The following ZSWIM7 variants were observed in gnomAD, a reference collection of about 807,000 sequenced individuals.
ZSWIM7 encodes zinc finger SWIM-type containing 7, also known as zinc finger SWIM domain-containing protein 7.
In ZSWIM7, 22 loss-of-function variants were observed where a neutral mutation model predicts 21.1. The ratio of observed to expected loss-of-function variants is 1.04; its 90% CI spans 0.74 to 1.49. ZSWIM7 has a LOEUF of 1.49. Among genes scored for constraint, ZSWIM7 ranks in the 40% most tolerant of loss-of-function variants. The pLI is 0.00. For missense variants in ZSWIM7, 193 were observed against 168.0 expected, an observed-to-expected ratio of 1.15 and a Z score of -0.82; for synonymous variants, 67 against 66.5, an observed-to-expected ratio of 1.01 and a Z score of -0.04.
At chr17:15,985,216 A>G (rs1970395090) in intron 3 of ZSWIM7, among the ~76,000 whole-genome samples, 2 of 152,070 alleles carry the variant, frequency 1.3e-5, no homozygotes, top group Non-Finnish European at 2.9e-5. Context: ...AGGCAGAAGA[A>G]TCACTTGAAC....
intron 1 of ZSWIM7, among the ~76,000 whole-genome samples, chr17:15,996,548 A>G (rs1970557420): frequency 6.6e-6 from 1 of 152,118 alleles, no homozygotes; most frequent in Non-Finnish European, 1.5e-5. Flanking sequence ...TGGGGAACAG[A>G]GTGAGACCCG....
Position 15,976,644 on chromosome 17 carries a change from T to C in ZSWIM7, c.*1403A>G, listed in dbSNP as rs1427686239. On this transcript the variant is annotated 3_prime_UTR_variant, in exon 5 of 5. Transcript: ENST00000399277. ...AAAAGCATCTGCCAACCACAGAACA[T>C]TGCAACACCTAGGCCCTGGGCTTTC... 3 of 152,190 alleles carry C rather than the reference T, an allele frequency of 2.0e-5. No individual in the cohort carries two copies. Among genetic ancestry groups the C allele is most frequent in the Admixed American group, 6.5e-5 (1 of 15,282 alleles). The allele number at this position is 152,190 out of a possible 1,614,324, so 9.4% of individuals were successfully genotyped here. A position where few individuals can be genotyped will look rare whatever the true frequency, so the allele number is the denominator to read the frequency against.
chr17:15,987,418 C>G, intron 2 of ZSWIM7, 50 bp from the exon 3 acceptor site: 2 of 1,481,668 alleles, frequency 1.3e-6, no homozygotes, highest in African/African-American at 1.4e-5. Flanking sequence ...TCAAAGTCAC[C>G]TCAGTAACTT....
At chr17:15,984,303 C>T (rs1350523372) in intron 3 of ZSWIM7, among the ~76,000 whole-genome samples, 1 of 152,192 alleles carries the variant, frequency 6.6e-6, no homozygotes, top group African/African-American at 2.4e-5. Flanking sequence ...GGAAATTGAC[C>T]TTAAGGATAA....
At chr17:15,987,469 T>C in intron 2 of ZSWIM7, 101 bp from the exon 3 acceptor site, 1 of 1,057,388 alleles carries the variant, frequency 9.5e-7, no homozygotes, top group Non-Finnish European at 1.4e-6. Context: ...TAAAAATTCA[T>C]TTTAATTTTG....
chr17:15,984,556 A>AT (rs1461540543), intron 3 of ZSWIM7, among the ~76,000 whole-genome samples: 1 of 152,188 alleles, frequency 6.6e-6, no homozygotes, highest in Non-Finnish European at 1.5e-5. Context: ...GAGGTGACCC[A>AT]TCTACATGGT....
At chr17:15,979,562 T>G (rs12949642) in intron 4 of ZSWIM7, among the ~76,000 whole-genome samples, 2 of 133,960 alleles carry the variant, frequency 1.5e-5, no homozygotes, top group African/African-American at 2.9e-5. Flanking sequence ...CCAGTAGGGG[T>G]GGCCGGGCAG....
intron 2 of ZSWIM7, 72 bp from the exon 3 acceptor site, chr17:15,987,440 C>T (rs1970427498): frequency 5.7e-6 from 7 of 1,234,944 alleles, no homozygotes; most frequent in Admixed American, 4.8e-5. Flanking sequence ...CCCAAAGGAT[C>T]ACTAGACTTA....
chr17:15,995,864 T>C (rs1970547265), intron 1 of ZSWIM7, among the ~76,000 whole-genome samples: 2 of 142,674 alleles, frequency 1.4e-5, no homozygotes, highest in South Asian at 2.2e-4. Flanking sequence ...CACTGTGAAG[T>C]GAAAAAAAAA....
intron 2 of ZSWIM7, among the ~76,000 whole-genome samples, chr17:15,989,186 A>G (rs1970451922): frequency 6.6e-6 from 1 of 152,200 alleles, no homozygotes; most frequent in Admixed American, 6.5e-5. Context: ...GATATACAGG[A>G]AAAAACTTTG....
chr17:15,993,795 GA>G lies in ZSWIM7; in HGVS notation c.77-18del, dbSNP rs760681581. 1.3e-4 allele frequency: 190 copies of G among 1,484,182 alleles called. No homozygotes were observed. The highest frequency in any genetic ancestry group is 1.4e-4 in the Non-Finnish European group (156 of 1,078,396). 91.9% of individuals were successfully genotyped at this position (1,484,182 alleles called of 1,614,324 possible). A position where few individuals can be genotyped will look rare whatever the true frequency, so the allele number is the denominator to read the frequency against. ...CATCAGGAACTGTAAAATGAGAATG[GA>G]AAAAAAAAGTTAATCATATTAAGCA... On this transcript the variant is annotated intron_variant, in intron 1 of 4. Coordinates refer to ENST00000399277, the MANE Select transcript of ZSWIM7 (RefSeq NM_001042697.2).
chr17:15,982,406 G>C (rs1452746551), intron 3 of ZSWIM7, among the ~76,000 whole-genome samples: 1 of 152,154 alleles, frequency 6.6e-6, no homozygotes, highest in African/African-American at 2.4e-5. Flanking sequence ...TTGCCACACA[G>C]CCTTCAAAGC....
intron 2 of ZSWIM7, among the ~76,000 whole-genome samples, chr17:15,989,650 A>C (rs1234222706): frequency 6.6e-6 from 1 of 151,914 alleles, no homozygotes; most frequent in Admixed American, 6.6e-5. Context: ...TTTTTGAGAC[A>C]AAGTCTCTCT....
Position 15,993,524 on chromosome 17 carries a change from G to A in ZSWIM7, c.98+233C>T, listed in dbSNP as rs573497202. ...TGGGACTACAGGTGCCCACCACCAC[G>A]TCCAGCTAATTTTTTGTATTTTCAG... On this transcript the variant is annotated intron_variant, in intron 2 of 4. Transcript: ENST00000399277. Among the ~76,000 whole-genome samples the A allele has an allele frequency of 1.8e-4, 28 of 151,722 alleles. No homozygotes were observed. In the South Asian group the frequency reaches 5.4e-3, roughly 29 times the overall value.
At chr17:15,991,190 C>T (rs1970477796) in intron 2 of ZSWIM7, 1 of 152,010 alleles carries the variant, frequency 6.6e-6, no homozygotes, top group African/African-American at 2.4e-5. Flanking sequence ...AAAATTTTTC[C>T]ATATCACTTT....
Position 15,979,886 on chromosome 17 carries a change from C to A in ZSWIM7, c.306+1154G>T, listed in dbSNP as rs572915678. On this transcript the variant is annotated intron_variant, in intron 4 of 4. Transcript: ENST00000399277. ...TGGCCGGGCGGGGGGCTGACCCCCCCACCTCCCTCCCGGACGGGGGGCTGA... is the reference window on the plus strand; with the variant it reads ...TGGCCGGGCGGGGGGCTGACCCCCCAACCTCCCTCCCGGACGGGGGGCTGA... 2.9e-3 allele frequency among the ~76,000 whole-genome samples: 124 copies of A among 43,366 alleles called. 31 individuals are homozygous for A. The highest frequency in any genetic ancestry group is 3.5e-3 in the Non-Finnish European group (85 of 24,036). The allele number at this position is 43,366 out of a possible 152,430, so 28.4% of individuals were successfully genotyped here.
intron 2 of ZSWIM7, chr17:15,991,243 A>G (rs1271007470): frequency 6.7e-6 from 1 of 150,372 alleles, no homozygotes; most frequent in African/African-American, 2.5e-5. Flanking sequence ...AATCATTTTT[A>G]TTCTCCTCAA....
chr17:15,985,219 A>G (rs6502479), intron 3 of ZSWIM7, among the ~76,000 whole-genome samples: 95,116 of 151,374 alleles, frequency 0.63, 31,089 homozygotes, highest in African/African-American at 0.81. Context: ...CAGAAGAATC[A>G]CTTGAACCCA....
chr17:15,993,550 T>C (rs1970510972), intron 2 of ZSWIM7, among the ~76,000 whole-genome samples: 1 of 151,622 alleles, frequency 6.6e-6, no homozygotes, highest in Non-Finnish European at 1.5e-5. Flanking sequence ...GTATTTTCAG[T>C]AGAGATGGGG....
Sources: gnomAD v4.1 joint callset for allele counts (sites outside exome capture counted in the v4.1 genomes callset) on GRCh38, gnomAD v4.1.1 for gene constraint, MANE v1.5 for transcripts, NCBI Gene and HGNC (gene_info 2026-07-23, HGNC 2026-07-21) for gene names.